KIAA0825: variants seen among roughly 807,000 people sequenced by gnomAD.
The protein encoded by KIAA0825 is KIAA0825, also known as uncharacterized protein KIAA0825.
In KIAA0825, 119 loss-of-function variants were observed where a neutral mutation model predicts 147.6. That is an observed-to-expected ratio of 0.81 (90% CI 0.69 to 0.94). KIAA0825 has a LOEUF of 0.94. KIAA0825 is among the 40% of genes least tolerant of loss of function. The pLI is 0.00. For synonymous variants in KIAA0825, 470 were observed against 518.1 expected (o/e 0.91, Z 1.26); for missense variants, 1,381 against 1,472.7 (o/e 0.94, Z 1.02).
intron 20 of KIAA0825, among the ~76,000 whole-genome samples, chr5:94,260,848 C>T (rs1052087987): frequency 6.6e-6 from 1 of 152,036 alleles, no homozygotes; most frequent in Admixed American, 6.6e-5. Context: ...AGCAAGAATT[C>T]GGTGACATTT....
At chr5:94,155,431 G>A (rs1231388508) in intron 20 of KIAA0825, among the ~76,000 whole-genome samples, 1 of 151,324 alleles carries the variant, frequency 6.6e-6, no homozygotes, top group African/African-American at 2.4e-5. Context: ...TGTTGCCCAG[G>A]CTCATCTTGA....
rs188640495 is a variant in KIAA0825 at position 94,504,726 on chromosome 5, G to A, written c.970+15522C>T. Among the ~76,000 whole-genome samples the A allele has an allele frequency of 1.9e-3, 287 of 149,012 alleles. 2 individuals are homozygous for A. Among genetic ancestry groups the A allele is most frequent in the African/African-American group, 5.3e-3 (215 of 40,318 alleles). Reference sequence around the variant, plus strand: ...AATCAAAGTTAACATTTAGAATTACGCCCGTGTGATTTTTCTTTTCTTTTT... The same window carrying A: ...AATCAAAGTTAACATTTAGAATTACACCCGTGTGATTTTTCTTTTCTTTTT... On this transcript the variant is annotated intron_variant, in intron 5 of 20. Coordinates refer to ENST00000682413, the MANE Select transcript of KIAA0825 (RefSeq NM_001145678.3).
chr5:94,359,763 C>CT (rs1297738079), intron 20 of KIAA0825, among the ~76,000 whole-genome samples: 2 of 152,192 alleles, frequency 1.3e-5, no homozygotes, highest in African/African-American at 4.8e-5. Flanking sequence ...TTTCTTCCAG[C>CT]TTTAAAACCA....
intron 1 of KIAA0825, among the ~76,000 whole-genome samples, chr5:94,584,996 AT>A (rs779054308): frequency 1.3e-5 from 2 of 152,172 alleles, no homozygotes; most frequent in Non-Finnish European, 2.9e-5. Flanking sequence ...ATGCTGAGAG[AT>A]TTTGTCACCA....
intron 13 of KIAA0825, among the ~76,000 whole-genome samples, chr5:94,447,291 A>G (rs1757849248): frequency 6.6e-6 from 1 of 152,118 alleles, no homozygotes; most frequent in Non-Finnish European, 1.5e-5. Context: ...ATAGAATGTT[A>G]TGATCATCAA....
intron 13 of KIAA0825, among the ~76,000 whole-genome samples, chr5:94,446,395 C>T (rs780315272): frequency 6.6e-6 from 1 of 151,934 alleles, no homozygotes; most frequent in Admixed American, 6.6e-5. Context: ...AGTAAAAATG[C>T]TATTAGAAGT....
intron 20 of KIAA0825, among the ~76,000 whole-genome samples, chr5:94,200,849 T>C (rs1017591598): frequency 6.6e-6 from 1 of 151,198 alleles, no homozygotes; most frequent in Non-Finnish European, 1.5e-5. Context: ...GACGCTCCTT[T>C]TTCTTGATTT....
intron 2 of KIAA0825, among the ~76,000 whole-genome samples, chr5:94,573,873 A>G (rs1299262986): frequency 1.3e-5 from 2 of 152,156 alleles, no homozygotes; most frequent in Admixed American, 1.3e-4. Flanking sequence ...TGATATATAG[A>G]GTTAAATAAA....
chr5:94,155,691 C>A (rs1424079221), intron 20 of KIAA0825, among the ~76,000 whole-genome samples: 2 of 152,152 alleles, frequency 1.3e-5, no homozygotes, highest in Admixed American at 6.5e-5. Context: ...CCTCTGCCTA[C>A]GATTCTCCTC....
intron 20 of KIAA0825, among the ~76,000 whole-genome samples, chr5:94,375,673 A>C (rs1394058696): frequency 6.6e-6 from 1 of 152,230 alleles, no homozygotes; most frequent in African/African-American, 2.4e-5. Flanking sequence ...TTTAGGAAGG[A>C]AAGCTGGGAG....
rs1029330653 is a variant in KIAA0825, at chr5:94,576,763, C to T, written c.-2+5670G>A. Among the ~76,000 whole-genome samples, 7 of 152,214 alleles carry T rather than the reference C, an allele frequency of 4.6e-5. No individual in the cohort carries two copies. In the South Asian group the frequency reaches 1.0e-3, roughly 23 times the overall value. On this transcript the variant is annotated intron_variant, in intron 2 of 20. Transcript: ENST00000682413. ...TACTTGGTGAGAGAAGAGACATCTACTCACGGAAGAATCTATTTACTCAAT... is the reference window on the plus strand; with the variant it reads ...TACTTGGTGAGAGAAGAGACATCTATTCACGGAAGAATCTATTTACTCAAT...
At position 94,552,423 on chromosome 5, in the gene KIAA0825, T is replaced by C. The variant is rs191121774; in HGVS notation, c.-1-15296A>G. Among the ~76,000 whole-genome samples, 233 of 152,288 alleles carry C rather than the reference T, an allele frequency of 1.5e-3. 3 individuals are homozygous for C. Among genetic ancestry groups the C allele is most frequent in the African/African-American group, 4.8e-3 (200 of 41,554 alleles). On this transcript the variant is annotated intron_variant, in intron 2 of 20. Coordinates refer to ENST00000682413, the MANE Select transcript of KIAA0825 (RefSeq NM_001145678.3). ...AGACAAAATAGACCTAATAGATATG[T>C]ACAGAAAATCCCACTAAACAGTTGC...
chr5:94,543,128 C>T (rs935207547), intron 2 of KIAA0825, among the ~76,000 whole-genome samples: 11 of 152,160 alleles, frequency 7.2e-5, no homozygotes, highest in Admixed American at 2.6e-4. Context: ...AGGGTACAAG[C>T]CCATGACTTG....
At chr5:94,464,484 T>C (rs953986422) in intron 11 of KIAA0825, among the ~76,000 whole-genome samples, 1 of 152,222 alleles carries the variant, frequency 6.6e-6, no homozygotes, top group Non-Finnish European at 1.5e-5. Flanking sequence ...AATCCCCTGG[T>C]TGCCTAGAAG....
chr5:94,577,647 C>T (rs73132677), intron 2 of KIAA0825, among the ~76,000 whole-genome samples: 11,612 of 152,218 alleles, frequency 0.076, 489 homozygotes, highest in South Asian at 0.11. Context: ...AACATGCCAA[C>T]TCACTTCACA....
chr5:94,296,858 C>T (rs1778161358), intron 20 of KIAA0825, among the ~76,000 whole-genome samples: 1 of 152,096 alleles, frequency 6.6e-6, no homozygotes, highest in African/African-American at 2.4e-5. Flanking sequence ...TGCCAGCCAC[C>T]AGAAAATTTT....
intron 20 of KIAA0825, among the ~76,000 whole-genome samples, chr5:94,210,400 G>T (rs1290605186): frequency 6.6e-6 from 1 of 152,156 alleles, no homozygotes; most frequent in Non-Finnish European, 1.5e-5. Context: ...AAGCTGATAA[G>T]CATGTTCCAG....
chr5:94,448,729 G>A (rs2150888606), intron 13 of KIAA0825, among the ~76,000 whole-genome samples: 1 of 152,192 alleles, frequency 6.6e-6, no homozygotes, highest in South Asian at 2.1e-4. Flanking sequence ...GAAGAATAGA[G>A]TTTTGAAGGA....
intron 20 of KIAA0825, among the ~76,000 whole-genome samples, chr5:94,166,512 T>G (rs1183417820): frequency 6.9e-6 from 1 of 145,582 alleles, no homozygotes; most frequent in Non-Finnish European, 1.5e-5. Flanking sequence ...TTGTTTTTTT[T>G]TTTTTTTTTT....
Sources: allele counts gnomAD v4.1 joint callset (sites outside exome capture counted in the v4.1 genomes callset), GRCh38; gene constraint gnomAD v4.1.1; transcripts MANE v1.5; gene names NCBI Gene and HGNC (gene_info 2026-07-23, HGNC 2026-07-21).